VWA8: variants seen among roughly 807,000 people sequenced by gnomAD.
VWA8 encodes the protein von Willebrand factor A domain-containing protein 8.
A neutral mutation model predicts 241.5 loss-of-function variants in VWA8; 221 were observed. That is an observed-to-expected ratio of 0.91 (90% confidence interval 0.82 to 1.02). The LOEUF is 1.02. VWA8 is among the 50% of genes least tolerant of loss of function. VWA8 has a pLI of 0.00. For synonymous variants in VWA8, 852 were observed against 827.1 expected (o/e 1.03, Z -0.52); for missense variants, 2,322 against 2,328.7 (o/e 1.00, Z 0.06).
chr13:41,862,472 G>A (rs1873048667), intron 12 of VWA8, among the ~76,000 whole-genome samples: 1 of 152,140 alleles, frequency 6.6e-6, no homozygotes, highest in East Asian at 1.9e-4. Context: ...AAAAGCTTCT[G>A]TACAGCAAAA....
chr13:41,809,554 CAGA>C (rs1288096361), intron 17 of VWA8, among the ~76,000 whole-genome samples: 2 of 151,974 alleles, frequency 1.3e-5, no homozygotes, highest in African/African-American at 4.8e-5. Flanking sequence ...TATCCATAAG[CAGA>C]AGAATGAAAG....
chr13:41,873,462 G>A (rs1873740460), intron 9 of VWA8, among the ~76,000 whole-genome samples: 1 of 151,986 alleles, frequency 6.6e-6, no homozygotes, highest in African/African-American at 2.4e-5. Context: ...AAAAAAGAGA[G>A]AAGAATCAAA....
intron 2 of VWA8, among the ~76,000 whole-genome samples, chr13:41,942,276 G>A (rs998173208): frequency 6.6e-6 from 1 of 152,070 alleles, no homozygotes; most frequent in African/African-American, 2.4e-5. Context: ...TTCCAGTTAG[G>A]ATGAAATGAG....
In VWA8 at chr13:41,762,087, CCAA is replaced by C. The variant is rs533216286; in HGVS notation, c.2350-886_2350-884del. 2.0e-4 allele frequency among the ~76,000 whole-genome samples: 31 copies of C among 152,124 alleles called. No individual in the cohort carries two copies. The East Asian group carries it at 2.3e-3, about 11-fold the overall frequency. ...TGCAAATTCTGAAACTTTTTGAGCACCAACAAGATGTGCAAAGGTCATGCTCAA... is the reference window on the plus strand; with the variant it reads ...TGCAAATTCTGAAACTTTTTGAGCACCAAGATGTGCAAAGGTCATGCTCAA... On this transcript the variant is annotated intron_variant, in intron 20 of 44. Coordinates refer to ENST00000379310, the MANE Select transcript of VWA8 (RefSeq NM_015058.2).
At chr13:41,733,544 G>A (rs2045502170) in intron 21 of VWA8, among the ~76,000 whole-genome samples, 1 of 152,086 alleles carries the variant, frequency 6.6e-6, no homozygotes, top group Admixed American at 6.6e-5. Flanking sequence ...TGTCACTATT[G>A]TTGTTGCTGT....
intron 20 of VWA8, among the ~76,000 whole-genome samples, chr13:41,770,229 T>C (rs571529677): frequency 1.3e-5 from 2 of 151,560 alleles, no homozygotes; most frequent in East Asian, 3.9e-4. Context: ...GTGTGGATCA[T>C]GAGGTCAGGA....
chr13:41,691,933 A>C lies in VWA8; in HGVS notation c.3681T>G (p.Thr1227=). 6.2e-7 allele frequency: 1 copy of C among 1,605,134 alleles called. No individual in the cohort carries two copies. The highest frequency in any genetic ancestry group is 8.5e-7 in the Non-Finnish European group (1 of 1,172,702). The change falls in exon 31 of 45, where the codon ACT becomes ACG. Residue 1227 remains threonine (T), a synonymous_variant. Transcript: ENST00000379310. ...GTGAAAATTCTTTACACATTTTATAAGTTTCCTAAAGACAAACAAAACAAG... is the reference window on the plus strand; with the variant it reads ...GTGAAAATTCTTTACACATTTTATACGTTTCCTAAAGACAAACAAAACAAG... ...PFWWNKEEAE[T]YKMCKEFSHK... is the part of the protein sequence containing the mutation.
chr13:41,665,074 G>A (rs1380623707), intron 37 of VWA8, among the ~76,000 whole-genome samples: 2 of 152,000 alleles, frequency 1.3e-5, no homozygotes, highest in Non-Finnish European at 2.9e-5. Context: ...TATAAACAAA[G>A]CTTACATTTT....
intron 42 of VWA8, among the ~76,000 whole-genome samples, chr13:41,578,128 CT>C (rs984392886): frequency 6.6e-6 from 1 of 152,174 alleles, no homozygotes; most frequent in African/African-American, 2.4e-5. Context: ...CTGTATGCTT[CT>C]TTTTCTTCCT....
rs537026459 is a variant in VWA8, at chr13:41,568,439, C to G, written c.5610-134G>C. On this transcript the variant is annotated intron_variant, in intron 44 of 44. Coordinates refer to ENST00000379310, the MANE Select transcript of VWA8 (RefSeq NM_015058.2). ...TTACTTTCTAATACCTTGCTCTCTGCCTACCATTGAATTAGTCGTCATTAA... is the reference window on the plus strand; with the variant it reads ...TTACTTTCTAATACCTTGCTCTCTGGCTACCATTGAATTAGTCGTCATTAA... 9.2e-4 allele frequency: 556 copies of G among 606,792 alleles called. 12 individuals are homozygous for G. In the South Asian group the frequency reaches 0.012, roughly 13 times the overall value. 37.6% of individuals were successfully genotyped at this position (606,792 alleles called of 1,614,324 possible).
intron 2 of VWA8, among the ~76,000 whole-genome samples, chr13:41,937,401 C>T (rs1030502073): frequency 6.6e-6 from 1 of 152,148 alleles, no homozygotes; most frequent in Non-Finnish European, 1.5e-5. Context: ...AGTGAGAGAT[C>T]GTCAGGCATT....
chr13:41,921,514 G>A (rs542232853), intron 2 of VWA8, among the ~76,000 whole-genome samples: 7 of 152,330 alleles, frequency 4.6e-5, no homozygotes, highest in African/African-American at 1.7e-4. Context: ...GTTTGCAGAT[G>A]ACATGACTGT....
chr13:41,878,670 T>C (rs1030036382), intron 9 of VWA8, among the ~76,000 whole-genome samples: 1 of 152,134 alleles, frequency 6.6e-6, no homozygotes, highest in Non-Finnish European at 1.5e-5. Context: ...TTTTCCTTTT[T>C]AAAACACTCT....
intron 37 of VWA8, among the ~76,000 whole-genome samples, chr13:41,624,531 A>C (rs1366126410): frequency 6.6e-6 from 1 of 152,220 alleles, no homozygotes; most frequent in Non-Finnish European, 1.5e-5. Context: ...TATACAAATC[A>C]ATAAAGATGA....
At chr13:41,858,101 GC>G (rs1177729014) in intron 12 of VWA8, among the ~76,000 whole-genome samples, 1 of 151,968 alleles carries the variant, frequency 6.6e-6, no homozygotes, top group Non-Finnish European at 1.5e-5. Flanking sequence ...CTCTTTCCTG[GC>G]TCTCCAGCTT....
Position 41,883,588 on chromosome 13 carries a change from A to G in VWA8, c.976-97T>C. The G allele has an allele frequency of 3.6e-6, 3 of 826,114 alleles. No individual in the cohort carries two copies. In the Admixed American group the frequency reaches 6.5e-5, roughly 18 times the overall value. The allele number at this position is 826,114 out of a possible 1,614,324, so 51.2% of individuals were successfully genotyped here. On this transcript the variant is annotated intron_variant, in intron 8 of 44. Coordinates refer to ENST00000379310, the MANE Select transcript of VWA8 (RefSeq NM_015058.2). Reference sequence around the variant, plus strand: ...TATGACATTAAAATTGACTTATAAAAGTAACCAATAGGTGTCTGGTATTTT... The same window carrying G: ...TATGACATTAAAATTGACTTATAAAGGTAACCAATAGGTGTCTGGTATTTT...
intron 5 of VWA8, among the ~76,000 whole-genome samples, chr13:41,889,575 TA>T (rs1480471305): frequency 2.0e-5 from 3 of 152,008 alleles, no homozygotes; most frequent in African/African-American, 7.3e-5. Context: ...AACGAGGTTT[TA>T]CCATGTTGGC....
At chr13:41,778,832 CTTTTTTTTTTTT>C (rs71096543) in intron 19 of VWA8, among the ~76,000 whole-genome samples, 41 of 82,678 alleles carry the variant, frequency 5.0e-4, no homozygotes, top group African/African-American at 1.5e-3. Context: ...CAGTACGTCA[CTTTTTTTTTTTT>C]TTTTTTTTTT....
chr13:41,798,383 A>C (rs1869798346), intron 17 of VWA8, among the ~76,000 whole-genome samples: 1 of 152,184 alleles, frequency 6.6e-6, no homozygotes, highest in Non-Finnish European at 1.5e-5. Flanking sequence ...AAACTACTAA[A>C]CGTAGTAAGC....
Sources: allele counts gnomAD v4.1 joint callset (sites outside exome capture counted in the v4.1 genomes callset), GRCh38; gene constraint gnomAD v4.1.1; transcripts MANE v1.5; gene names NCBI Gene and HGNC (gene_info 2026-07-23, HGNC 2026-07-21).